The following LIMA1 variants were observed in gnomAD, a reference collection of about 807,000 sequenced individuals.
LIMA1 encodes the protein LIM domain and actin-binding protein 1.
In LIMA1, 52 loss-of-function variants were observed where a neutral mutation model predicts 62.6. The ratio of observed to expected loss-of-function variants is 0.83; its 90% CI spans 0.67 to 1.05. LIMA1 has a LOEUF of 1.05. Among genes scored for constraint, LIMA1 ranks in the 50% least tolerant of loss-of-function variants. The probability of loss-of-function intolerance (pLI) is 0.00; values close to 1 mark genes in which losing one functional copy is unlikely to be tolerated. For synonymous variants in LIMA1, 302 were observed against 317.8 expected (o/e 0.95, Z 0.53); for missense variants, 780 against 902.2 (o/e 0.86, Z 1.74).
At chr12:50,211,331 CAAA>C (rs34045758) in intron 4 of LIMA1, among the ~76,000 whole-genome samples, 4 of 83,214 alleles carry the variant, frequency 4.8e-5, no homozygotes, top group Non-Finnish European at 2.6e-5. Flanking sequence ...CCCACCCCCC[CAAA>C]AAAAAAAAAA....
At chr12:50,281,032 G>A (rs751553784) in intron 1 of LIMA1, among the ~76,000 whole-genome samples, 69 of 152,250 alleles carry the variant, frequency 4.5e-4, no homozygotes, top group Non-Finnish European at 8.8e-4. Flanking sequence ...AATAGTGTAT[G>A]GAATTAAGAA....
intron 3 of LIMA1, among the ~76,000 whole-genome samples, chr12:50,228,480 C>T (rs1309801144): frequency 6.6e-6 from 1 of 152,188 alleles, no homozygotes; most frequent in Non-Finnish European, 1.5e-5. Context: ...ACACTTTCTT[C>T]ACTCGGCTTC....
At chr12:50,200,993 G>A (rs1941037814) in intron 6 of LIMA1, 109 bp from the exon 7 acceptor site, 1 of 1,477,702 alleles carries the variant, frequency 6.8e-7, no homozygotes, top group South Asian at 1.4e-5. Flanking sequence ...CTTCTAAGAA[G>A]CCTCGGGTCA....
intron 2 of LIMA1, among the ~76,000 whole-genome samples, chr12:50,245,932 G>A (rs1192934666): frequency 6.6e-6 from 1 of 152,112 alleles, no homozygotes; most frequent in East Asian, 1.9e-4. Context: ...GGAAGCATGT[G>A]CAGAAGGAGC....
chr12:50,203,541 G>A (rs2138480638), intron 6 of LIMA1, among the ~76,000 whole-genome samples: 1 of 151,990 alleles, frequency 6.6e-6, no homozygotes, highest in South Asian at 2.1e-4. Flanking sequence ...AGCCTCCCAA[G>A]TAGCTGGGAT....
intron 4 of LIMA1, among the ~76,000 whole-genome samples, chr12:50,211,086 C>T (rs1353971472): frequency 6.6e-6 from 1 of 152,122 alleles, no homozygotes; most frequent in Non-Finnish European, 1.5e-5. Flanking sequence ...CTTTGGGAGG[C>T]CAAGGCAGGT....
At chr12:50,201,324 C>G in intron 6 of LIMA1, 1 of 987,034 alleles carries the variant, frequency 1.0e-6, no homozygotes, top group Non-Finnish European at 1.2e-6. Flanking sequence ...AAATGCCCGG[C>G]CTGGAAAGAG....
At chr12:50,207,069 C>T (rs1324698716) in intron 4 of LIMA1, among the ~76,000 whole-genome samples, 2 of 152,108 alleles carry the variant, frequency 1.3e-5, no homozygotes, top group African/African-American at 4.8e-5. Context: ...GGATTACAGG[C>T]GCCTGCCACC....
At chr12:50,209,567 C>CAAAAAAA (rs1203309856) in intron 4 of LIMA1, among the ~76,000 whole-genome samples, 76 of 60,942 alleles carry the variant, frequency 1.2e-3, no homozygotes, top group Admixed American at 1.4e-3. Context: ...GACTCCATCT[C>CAAAAAAA]AAAAAAAAAA....
intron 7 of LIMA1, among the ~76,000 whole-genome samples, chr12:50,197,133 C>T (rs1940946810): frequency 6.9e-6 from 1 of 145,472 alleles, no homozygotes; most frequent in South Asian, 2.2e-4. Flanking sequence ...TCCAATGGTG[C>T]GATCTCAGCT....
intron 1 of LIMA1, among the ~76,000 whole-genome samples, chr12:50,265,938 CCTT>C (rs1388126790): frequency 2.6e-5 from 4 of 152,130 alleles, no homozygotes; most frequent in Non-Finnish European, 5.9e-5. Flanking sequence ...CCATGGGGAA[CCTT>C]CTTCTGCAGG....
At chr12:50,184,834 T>C (rs992929695) in intron 9 of LIMA1, among the ~76,000 whole-genome samples, 1 of 151,998 alleles carries the variant, frequency 6.6e-6, no homozygotes, top group Non-Finnish European at 1.5e-5. Context: ...GTTTTTTTTG[T>C]TTTGTTTTGT....
chr12:50,249,097 A>G (rs1941892158), intron 1 of LIMA1, among the ~76,000 whole-genome samples: 2 of 152,188 alleles, frequency 1.3e-5, no homozygotes, highest in African/African-American at 4.8e-5. Context: ...CTTCTGAATT[A>G]CATCCCAGGG....
chr12:50,190,518 C>A (rs909471915), intron 9 of LIMA1, among the ~76,000 whole-genome samples: 13 of 147,856 alleles, frequency 8.8e-5, no homozygotes, highest in Non-Finnish European at 1.8e-4. Context: ...CAGGCATGTG[C>A]CACCATGCCC....
At chr12:50,271,202 T>C (rs561819139) in intron 1 of LIMA1, among the ~76,000 whole-genome samples, 17 of 151,850 alleles carry the variant, frequency 1.1e-4, no homozygotes, top group Non-Finnish European at 2.4e-4. Flanking sequence ...GCCCAGGAGT[T>C]TGAGGCTGCA....
At chr12:50,259,732 C>T (rs1435905764) in intron 1 of LIMA1, among the ~76,000 whole-genome samples, 1 of 152,154 alleles carries the variant, frequency 6.6e-6, no homozygotes, top group Non-Finnish European at 1.5e-5. Flanking sequence ...CTTGGAAGAG[C>T]TTCAGGTATG....
chr12:50,217,905 CTTTTTTTT>C (rs34408114), intron 4 of LIMA1: 1 of 124,228 alleles, frequency 8.0e-6, no homozygotes, highest in Non-Finnish European at 1.6e-5. Flanking sequence ...AATTTCTTTT[CTTTTTTTT>C]TTTTTTTTTT....
At chr12:50,231,833 T>C in intron 2 of LIMA1, 123 bp from the exon 3 acceptor site, 1 of 863,496 alleles carries the variant, frequency 1.2e-6, no homozygotes, top group Non-Finnish European at 1.8e-6. Flanking sequence ...AGTGGTGCGA[T>C]CTCGGCTCAC....
Position 50,190,682 on chromosome 12 carries a change from A to ATTT in LIMA1, c.1140+1767_1140+1769dup, listed in dbSNP as rs762182699. Among the ~76,000 whole-genome samples, 41 of 93,038 alleles carry ATTT rather than the reference A, an allele frequency of 4.4e-4. 7 individuals are homozygous for ATTT. Among genetic ancestry groups the ATTT allele is most frequent in the Non-Finnish European group, 5.7e-4 (26 of 45,554 alleles). 61.0% of individuals were successfully genotyped at this position (93,038 alleles called of 152,430 possible). A position where few individuals can be genotyped will look rare whatever the true frequency, so the allele number is the denominator to read the frequency against. On this transcript the variant is annotated intron_variant, in intron 9 of 10. Coordinates refer to ENST00000341247, the MANE Select transcript of LIMA1 (RefSeq NM_016357.5). The stretch of plus-strand genomic sequence containing the variant: ...GGCGTGAGCCACCACACCCGGCCTC[A>ATTT]TTTTTTTTTTTTTTTTTTTTTTTTT...
Sources: allele counts gnomAD v4.1 joint callset (sites outside exome capture counted in the v4.1 genomes callset), GRCh38; gene constraint gnomAD v4.1.1; transcripts MANE v1.5; gene names NCBI Gene and HGNC (gene_info 2026-07-23, HGNC 2026-07-21).